CTNNA3: variants seen among roughly 807,000 people sequenced by gnomAD.
The protein encoded by CTNNA3 is catenin alpha 3.
In CTNNA3, 76 loss-of-function variants were observed where a neutral mutation model predicts 95.7. The observed-to-expected ratio is 0.79, with a 90% CI of 0.66 to 0.96. The LOEUF (loss-of-function observed/expected upper bound fraction) is 0.96, where lower values mean the gene tolerates loss of function less well. Among genes scored for constraint, CTNNA3 ranks in the 40% least tolerant of loss-of-function variants. The pLI is 0.00. For synonymous variants in CTNNA3, 431 were observed against 374.4 expected (o/e 1.15, Z -1.74); for missense variants, 1,191 against 1,089.8 (o/e 1.09, Z -1.31).
intron 1 of CTNNA3, among the ~76,000 whole-genome samples, chr10:67,709,778 C>T (rs1007579490): frequency 2.0e-5 from 3 of 151,984 alleles, no homozygotes; most frequent in African/African-American, 7.3e-5. Context: ...TTTCAGTGAC[C>T]CCACTCTGGT....
At chr10:67,504,435 C>CAAAAAAA (rs60719599) in intron 5 of CTNNA3, among the ~76,000 whole-genome samples, 17 of 16,148 alleles carry the variant, frequency 1.1e-3, no homozygotes, top group Admixed American at 2.3e-3. Flanking sequence ...GACTCCATCT[C>CAAAAAAA]AAAAAAAAAA....
At chr10:66,512,477 G>T (rs1050892398) in intron 11 of CTNNA3, among the ~76,000 whole-genome samples, 1 of 152,040 alleles carries the variant, frequency 6.6e-6, no homozygotes, top group East Asian at 1.9e-4. Context: ...TTGTGGTTTG[G>T]TGGTTTTCTG....
Position 66,138,673 on chromosome 10 carries a change from A to AAAAATAC in CTNNA3, c.1885-35431_1885-35425dup, listed in dbSNP as rs1340930469. Among the ~76,000 whole-genome samples the AAAAATAC allele has an allele frequency of 6.8e-4, 104 of 152,230 alleles. 1 individual carries two copies. Among genetic ancestry groups the AAAAATAC allele is most frequent in the Non-Finnish European group, 1.2e-4 (8 of 68,016 alleles). On this transcript the variant is annotated intron_variant, in intron 13 of 17. Transcript: ENST00000433211. ...GTGAAACCCGGTTGGTTTCACTTCT[A>AAAAATAC]AAAATACAAAATACAAAAATATTAA...
intron 7 of CTNNA3, among the ~76,000 whole-genome samples, chr10:67,083,810 A>T (rs554103982): frequency 2.1e-3 from 315 of 152,304 alleles, no homozygotes; most frequent in African/African-American, 7.0e-3. Flanking sequence ...TTCCCATTAC[A>T]TACTTTTTAA....
chr10:67,302,403 A>G (rs1332326984), intron 5 of CTNNA3, among the ~76,000 whole-genome samples: 1 of 152,214 alleles, frequency 6.6e-6, no homozygotes, highest in Admixed American at 6.5e-5. Context: ...TATGTAAATC[A>G]ATAAGAAAAT....
At chr10:66,670,844 A>G (rs183808053) in intron 9 of CTNNA3, among the ~76,000 whole-genome samples, 1 of 152,322 alleles carries the variant, frequency 6.6e-6, no homozygotes, top group East Asian at 1.9e-4. Context: ...CCAACCAGAA[A>G]TTGGCAGTTT....
At chr10:66,507,691 C>A (rs555137693) in intron 11 of CTNNA3, among the ~76,000 whole-genome samples, 59 of 151,400 alleles carry the variant, frequency 3.9e-4, no homozygotes, top group Non-Finnish European at 7.5e-4. Context: ...TTTTAAATAG[C>A]TGAACAATAT....
At chr10:67,090,837 C>A (rs1049197024) in intron 7 of CTNNA3, among the ~76,000 whole-genome samples, 1 of 151,950 alleles carries the variant, frequency 6.6e-6, no homozygotes, top group African/African-American at 2.4e-5. Flanking sequence ...GTAGAACCTG[C>A]GGTAACATCT....
intron 3 of CTNNA3, among the ~76,000 whole-genome samples, chr10:67,556,676 T>A (rs1841268871): frequency 6.6e-6 from 1 of 152,228 alleles, no homozygotes; most frequent in Non-Finnish European, 1.5e-5. Context: ...TAGCAGTCTA[T>A]CAATTTTGTT....
chr10:66,052,512 G>A (rs950507513), intron 15 of CTNNA3, among the ~76,000 whole-genome samples: 1 of 152,106 alleles, frequency 6.6e-6, no homozygotes, highest in Non-Finnish European at 1.5e-5. Flanking sequence ...CTCTCAGTGT[G>A]TGCATGTTGT....
chr10:66,222,581 G>GAAAAA (rs1412599295), intron 13 of CTNNA3, among the ~76,000 whole-genome samples: 4 of 147,000 alleles, frequency 2.7e-5, no homozygotes, highest in East Asian at 2.0e-4. Context: ...AAAGAAAGAA[G>GAAAAA]GAAAGAAAAA....
chr10:66,244,958 T>C (rs2090250484), intron 13 of CTNNA3, among the ~76,000 whole-genome samples: 3 of 152,192 alleles, frequency 2.0e-5, no homozygotes, highest in Admixed American at 2.0e-4. Context: ...CTTTGGGGTG[T>C]TGCTTTTCTG....
intron 12 of CTNNA3, among the ~76,000 whole-genome samples, chr10:66,354,492 T>C (rs967756836): frequency 2.6e-5 from 4 of 152,012 alleles, no homozygotes; most frequent in African/African-American, 9.7e-5. Context: ...TGAATTATTA[T>C]AACTAAAGGG....
chr10:66,971,853 C>A (rs1412333460), intron 7 of CTNNA3, among the ~76,000 whole-genome samples: 1 of 151,950 alleles, frequency 6.6e-6, no homozygotes, highest in Non-Finnish European at 1.5e-5. Context: ...TAATATTTCT[C>A]ATTTCTGAGC....
chr10:66,400,183 T>C (rs2093009511), intron 11 of CTNNA3, among the ~76,000 whole-genome samples: 1 of 151,714 alleles, frequency 6.6e-6, no homozygotes, highest in Admixed American at 6.6e-5. Flanking sequence ...AAAGAAAATA[T>C]AAAAAATAGA....
At chr10:67,161,980 T>C (rs993047197) in intron 7 of CTNNA3, among the ~76,000 whole-genome samples, 1 of 152,056 alleles carries the variant, frequency 6.6e-6, no homozygotes, top group African/African-American at 2.4e-5. Flanking sequence ...AAGACATAGC[T>C]AGCCTAAATG....
chr10:67,700,183 C>T (rs986204884), upstream of CTNNA3, among the ~76,000 whole-genome samples: 1 of 152,252 alleles, frequency 6.6e-6, no homozygotes, highest in African/African-American at 2.4e-5. Context: ...GTAGGCTCCA[C>T]CTCTGGGGGC....
chr10:66,028,638 T>C (rs2079389354), intron 15 of CTNNA3, among the ~76,000 whole-genome samples: 1 of 152,030 alleles, frequency 6.6e-6, no homozygotes, highest in Non-Finnish European at 1.5e-5. Flanking sequence ...GAGATATACC[T>C]AATGTAAATG....
intron 11 of CTNNA3, among the ~76,000 whole-genome samples, chr10:66,504,297 T>C (rs2131973033): frequency 6.6e-6 from 1 of 152,308 alleles, no homozygotes; most frequent in East Asian, 1.9e-4. Context: ...CCTAGATGCA[T>C]TTTAAAAACA....
Sources: gnomAD v4.1 joint callset for allele counts (sites outside exome capture counted in the v4.1 genomes callset) on GRCh38, gnomAD v4.1.1 for gene constraint, MANE v1.5 for transcripts, NCBI Gene and HGNC (gene_info 2026-07-23, HGNC 2026-07-21) for gene names.